Variants in PI4K2B observed in about 807,000 individuals in gnomAD.
The protein encoded by PI4K2B is phosphatidylinositol 4-kinase type 2 beta.
PI4K2B carries 46 observed loss-of-function variants against 56.6 expected under a neutral mutation model. The observed-to-expected ratio is 0.81, with a 90% CI of 0.64 to 1.04. The LOEUF is 1.04. Ranked by LOEUF, PI4K2B falls within the 50% of genes least tolerant of loss-of-function variation. The pLI is 0.00. For synonymous variants in PI4K2B, 211 were observed against 223.8 expected (o/e 0.94, Z 0.51); for missense variants, 556 against 607.7 (o/e 0.91, Z 0.89).
At position 25,234,397 on chromosome 4, in the gene PI4K2B, C is replaced by A. The variant is rs1210548837; in HGVS notation, c.234C>A (p.Ser78=). The A allele has an allele frequency of 1.0e-5, 14 of 1,392,512 alleles. No individual in the cohort carries two copies. Among genetic ancestry groups the A allele is most frequent in the Non-Finnish European group, 1.3e-5 (14 of 1,072,178 alleles). The allele number at this position is 1,392,512 out of a possible 1,614,324, so 86.3% of individuals were successfully genotyped here. ...PGDVGVSRSS[S]AELDRSRPAV... ...ACGTGGGGGTCTCCCGGAGTTCGTCCGCCGAGCTGGACCGGAGCCGCCCCG... is the reference window on the plus strand; with the variant it reads ...ACGTGGGGGTCTCCCGGAGTTCGTCAGCCGAGCTGGACCGGAGCCGCCCCG... The change falls in exon 1 of 10, where the codon TCC becomes TCA. Residue 78 remains serine, a synonymous_variant. Coordinates refer to ENST00000264864, the MANE Select transcript of PI4K2B (RefSeq NM_018323.4).
At chr4:25,263,627 T>C (rs890017499) in intron 6 of PI4K2B, 123 bp from the exon 7 acceptor site, 1 of 460,814 alleles carries the variant, frequency 2.2e-6, no homozygotes, top group Non-Finnish European at 3.9e-6. Flanking sequence ...TCTGGTAACA[T>C]TATTTTTATA....
At chr4:25,265,198 C>CAAAA (rs71188933) in intron 7 of PI4K2B, among the ~76,000 whole-genome samples, 25,649 of 64,886 alleles carry the variant, frequency 0.4, 5,092 homozygotes, top group Non-Finnish European at 0.5. Context: ...TCTGTCTCAC[C>CAAAA]AAAAAAAAAA....
chr4:25,240,948 C>G (rs1715491850), intron 1 of PI4K2B, among the ~76,000 whole-genome samples: 1 of 152,084 alleles, frequency 6.6e-6, no homozygotes, highest in South Asian at 2.1e-4. Flanking sequence ...TGTCTCTTTC[C>G]TTCCTACTGG....
chr4:25,234,255 C>G lies in PI4K2B; in HGVS notation c.92C>G (p.Pro31Arg). The change falls in exon 1 of 10, where the codon CCG (proline) becomes CGG (arginine). Residue 31 changes from proline (P) to arginine (R), a missense_variant. Pro to Arg is a moderately radical substitution (Grantham distance 103). Transcript: ENST00000264864. ...GATGGGGAGCGGGAGCCGCTGCTAC[C>G]GCGGATCGCCTGGGCCCACCCGCGG... is the stretch of plus-strand genomic sequence containing the variant. ...EEDGEREPLL[P>R]RIAWAHPRRG... 7.0e-7 allele frequency: 1 copy of G among 1,426,132 alleles called. No homozygotes were observed. The highest frequency in any genetic ancestry group is 9.2e-7 in the Non-Finnish European group (1 of 1,088,074). 88.3% of individuals were successfully genotyped at this position (1,426,132 alleles called of 1,614,324 possible).
In PI4K2B at chr4:25,255,153, G is replaced by T; in HGVS notation, c.512G>T (p.Cys171Phe). The T allele has an allele frequency of 1.2e-6, 2 of 1,614,126 alleles. No individual in the cohort carries two copies. The highest frequency in any genetic ancestry group is 1.7e-6 in the Non-Finnish European group (2 of 1,179,974). The change falls in exon 3 of 10, where the codon TGC (cysteine) becomes TTC (phenylalanine). Residue 171 changes from cysteine to phenylalanine, a missense_variant. Coordinates refer to ENST00000264864, the MANE Select transcript of PI4K2B (RefSeq NM_018323.4). ...KWTKYVHKVC[C>F]PCCFGRGCLI... ...ACCAAATATGTCCATAAGGTCTGCT[G>T]CCCTTGCTGCTTTGGCCGAGGCTGC...
In PI4K2B at chr4:25,256,610, A is replaced by G; in HGVS notation, c.692A>G (p.Lys231Arg). ...AIDRAKSRGK[K>R]YALEKVPKVG... is the part of the protein sequence containing the mutation. ...GACCGTGCAAAATCAAGAGGCAAAA[A>G]GTATGCTTTAGAAAAAGTGCCAAAA... Residue 231 changes from lysine (K) to arginine (R), a missense_variant, in exon 4 of 10, where the codon AAG (lysine) becomes AGG (arginine). Transcript: ENST00000264864. The G allele has an allele frequency of 1.2e-6, 2 of 1,613,958 alleles. No individual in the cohort carries two copies. The highest frequency in any genetic ancestry group is 1.7e-4 in the Middle Eastern group (1 of 6,060).
chr4:25,247,683 G>A (rs1577681377), intron 1 of PI4K2B, among the ~76,000 whole-genome samples: 1 of 152,270 alleles, frequency 6.6e-6, no homozygotes, highest in East Asian at 1.9e-4. Context: ...TGGGTTCAAT[G>A]CACCAAATTT....
At chr4:25,241,980 C>T (rs1016017472) in intron 1 of PI4K2B, among the ~76,000 whole-genome samples, 2 of 152,108 alleles carry the variant, frequency 1.3e-5, no homozygotes, top group Non-Finnish European at 2.9e-5. Context: ...TATAGAGGGG[C>T]CTGGCTATCT....
At position 25,234,440 on chromosome 4, in the gene PI4K2B, C is replaced by G; in HGVS notation, c.268+9C>G. 3.1e-6 allele frequency: 4 copies of G among 1,288,526 alleles called. No homozygotes were observed. The highest frequency in any genetic ancestry group is 2.3e-5 in the South Asian group (1 of 43,268). 79.8% of individuals were successfully genotyped at this position (1,288,526 alleles called of 1,614,324 possible). A position where few individuals can be genotyped will look rare whatever the true frequency, so the allele number is the denominator to read the frequency against. ...CCGCCCCGCGGTTTCAGGTGCGACC[C>G]GGCCCTGCCCCACTCCCCGCGCCCC... On this transcript the variant is annotated intron_variant, in intron 1 of 9. Transcript: ENST00000264864.
intron 5 of PI4K2B, among the ~76,000 whole-genome samples, chr4:25,259,407 C>T (rs1369785145): frequency 6.6e-6 from 1 of 152,022 alleles, no homozygotes; most frequent in East Asian, 1.9e-4. Context: ...CAGTTCCTGT[C>T]CCCTAGGGAG....
intron 1 of PI4K2B, among the ~76,000 whole-genome samples, chr4:25,243,479 C>A (rs929123242): frequency 6.6e-6 from 1 of 152,166 alleles, no homozygotes; most frequent in Admixed American, 6.5e-5. Flanking sequence ...ACTAAGGCTG[C>A]GGCCTTTCTC....
rs570338614 is a variant in PI4K2B, at chr4:25,259,887, T to C, written c.911-637T>C. Among the ~76,000 whole-genome samples the C allele has an allele frequency of 3.4e-4, 52 of 152,250 alleles. No individual in the cohort carries two copies. The South Asian group carries it at 0.011, about 32-fold the overall frequency. ...GGTCCCTGGACTGTCAGGGTCAGCA[T>C]TACGTGAGAATTTGTTAAACATGCA... On this transcript the variant is annotated intron_variant, in intron 5 of 9. Transcript: ENST00000264864.
intron 6 of PI4K2B, 148 bp from the exon 7 acceptor site, chr4:25,263,602 T>C: frequency 2.3e-6 from 1 of 436,848 alleles, no homozygotes; most frequent in Admixed American, 4.1e-5. Flanking sequence ...CATTCCTGTG[T>C]GAATTTGTAC....
Position 25,259,166 on chromosome 4 carries a change from T to C in PI4K2B, c.886T>C (p.Leu296=). The C allele has an allele frequency of 6.4e-7, 1 of 1,573,864 alleles. No homozygotes were observed. ...GTCACAATTTGAAAGATTAGTTATT[T>C]TGGATTACATCATCAGAAATACAGG... ...FQSQFERLVI[L]DYIIRNTDRG... The change falls in exon 5 of 10, where the codon TTG becomes CTG. Residue 296 remains leucine (L), a synonymous_variant. Coordinates refer to ENST00000264864, the MANE Select transcript of PI4K2B (RefSeq NM_018323.4).
At chr4:25,269,103 A>G (rs1487273025) in intron 8 of PI4K2B, 41 bp from the exon 9 acceptor site, 1 of 1,114,146 alleles carries the variant, frequency 9.0e-7, no homozygotes, top group Admixed American at 2.0e-5. Context: ...TTTATATCAA[A>G]GTCTTTATTT....
chr4:25,267,940 C>T (rs1243097694), intron 7 of PI4K2B: 9 of 865,616 alleles, frequency 1.0e-5, no homozygotes, highest in Non-Finnish European at 1.2e-5. Flanking sequence ...TCAATCTGTG[C>T]CCGGGTGCGG....
At chr4:25,269,579 C>T (rs1212654517) in intron 9 of PI4K2B, among the ~76,000 whole-genome samples, 8 of 149,826 alleles carry the variant, frequency 5.3e-5, no homozygotes, top group Admixed American at 4.0e-4. Context: ...GCAGAGGTTG[C>T]AGTGAGCTGA....
chr4:25,250,605 C>A (rs12645130), intron 1 of PI4K2B: 1 of 152,102 alleles, frequency 6.6e-6, no homozygotes, highest in South Asian at 2.1e-4. Flanking sequence ...AGTTTAATAC[C>A]TAGGTGATGA....
At chr4:25,255,921 T>A (rs1463021308) in intron 3 of PI4K2B, among the ~76,000 whole-genome samples, 4 of 151,890 alleles carry the variant, frequency 2.6e-5, no homozygotes. Context: ...ACCCACATCC[T>A]TTCTGTTCTT....
Sources: gnomAD v4.1 joint callset for allele counts (sites outside exome capture counted in the v4.1 genomes callset) on GRCh38, gnomAD v4.1.1 for gene constraint, MANE v1.5 for transcripts, NCBI Gene and HGNC (gene_info 2026-07-23, HGNC 2026-07-21) for gene names.